Variants in AMPH observed in about 807,000 individuals in gnomAD.
AMPH encodes amphiphysin.
Under a neutral mutation model 99.1 loss-of-function variants are expected in AMPH, and 49 were observed. The observed-to-expected ratio is 0.49, with a 90% CI of 0.39 to 0.63. The LOEUF is 0.63. Ranked by LOEUF, AMPH falls within the 20% of genes least tolerant of loss-of-function variation. The pLI is 0.00. For missense variants in AMPH, 759 were observed against 863.4 expected (o/e 0.88, Z 1.52); for synonymous variants, 314 against 317.3 (o/e 0.99, Z 0.11).
chr7:38,434,193 C>T (rs1025696316), intron 12 of AMPH, among the ~76,000 whole-genome samples: 3 of 152,068 alleles, frequency 2.0e-5, no homozygotes, highest in Non-Finnish European at 4.4e-5. Context: ...CACAGCTTGC[C>T]GTCACTGCGG....
chr7:38,476,309 T>C (rs1477282763), intron 6 of AMPH, among the ~76,000 whole-genome samples: 1 of 152,156 alleles, frequency 6.6e-6, no homozygotes, highest in Non-Finnish European at 1.5e-5. Context: ...CATATCTCGA[T>C]GTAGAAAGAC....
intron 1 of AMPH, among the ~76,000 whole-genome samples, chr7:38,585,849 G>A (rs1425448335): frequency 2.0e-5 from 3 of 152,224 alleles, no homozygotes; most frequent in African/African-American, 2.4e-5. Flanking sequence ...GGAACATTAA[G>A]TATAAATGTA....
chr7:38,490,501 C>T (rs1788677952), intron 5 of AMPH, among the ~76,000 whole-genome samples: 1 of 152,096 alleles, frequency 6.6e-6, no homozygotes, highest in East Asian at 1.9e-4. Context: ...ATGTTTCAGA[C>T]ACAATATTTT....
At chr7:38,502,388 G>T (rs4720288) in intron 3 of AMPH, among the ~76,000 whole-genome samples, 74,756 of 151,860 alleles carry the variant, frequency 0.49, 18,547 homozygotes, top group Admixed American at 0.51. Flanking sequence ...ACCCTGTATG[G>T]TAGATGCACC....
intron 10 of AMPH, among the ~76,000 whole-genome samples, chr7:38,462,306 C>T (rs1045421361): frequency 4.6e-5 from 7 of 152,168 alleles, no homozygotes; most frequent in Non-Finnish European, 7.3e-5. Context: ...TTTCTACTTA[C>T]GATGGGTTTA....
chr7:38,609,236 GCACA>G (rs1793541199), intron 1 of AMPH, among the ~76,000 whole-genome samples: 1 of 152,186 alleles, frequency 6.6e-6, no homozygotes, highest in Non-Finnish European at 1.5e-5. Flanking sequence ...TATGCACGCA[GCACA>G]CAGGAGGGCA....
At chr7:38,568,414 A>G (rs2392587) in intron 1 of AMPH, among the ~76,000 whole-genome samples, 123,875 of 152,094 alleles carry the variant, frequency 0.81, 50,767 homozygotes, top group African/African-American at 0.86. Flanking sequence ...GCAGTAAGCC[A>G]AGATTGTGCC....
intron 2 of AMPH, among the ~76,000 whole-genome samples, chr7:38,528,957 A>T (rs144755985): frequency 1.0e-3 from 152 of 152,004 alleles, no homozygotes; most frequent in African/African-American, 3.4e-3. Context: ...CAGATAATCA[A>T]TTTTTTTCCC....
intron 1 of AMPH, among the ~76,000 whole-genome samples, chr7:38,611,573 G>C (rs1211098192): frequency 6.6e-6 from 1 of 152,184 alleles, no homozygotes; most frequent in African/African-American, 2.4e-5. Flanking sequence ...TCTACATACA[G>C]CCTTAATGGC....
intron 9 of AMPH, 118 bp downstream of exon 9, chr7:38,465,349 G>A: frequency 1.2e-6 from 1 of 805,540 alleles, no homozygotes; most frequent in Non-Finnish European, 1.9e-6. Context: ...CAGCTTCTAG[G>A]GTGAAAAGGC....
At chr7:38,420,880 A>G in intron 16 of AMPH, 2 of 447,838 alleles carry the variant, frequency 4.5e-6, no homozygotes, top group Non-Finnish European at 9.0e-6. Flanking sequence ...AGGCTGGGAG[A>G]TGTACAGCTG....
chr7:38,626,032 C>T (rs993861953), intron 1 of AMPH, among the ~76,000 whole-genome samples: 12 of 152,124 alleles, frequency 7.9e-5, no homozygotes, highest in Admixed American at 2.6e-4. Context: ...CTTCACCATA[C>T]ATTAAAAGAT....
intron 6 of AMPH, among the ~76,000 whole-genome samples, chr7:38,476,101 G>T (rs1788072104): frequency 6.6e-6 from 1 of 152,188 alleles, no homozygotes; most frequent in Non-Finnish European, 1.5e-5. Flanking sequence ...ATTGTGAACT[G>T]CTCAGAAACT....
chr7:38,405,577 G>T (rs1247669983), intron 17 of AMPH, among the ~76,000 whole-genome samples: 8 of 151,984 alleles, frequency 5.3e-5, no homozygotes, highest in African/African-American at 1.9e-4. Context: ...CAGACTTTAA[G>T]CCAATAACAT....
intron 1 of AMPH, among the ~76,000 whole-genome samples, chr7:38,576,005 A>G (rs1792227404): frequency 6.6e-6 from 1 of 152,176 alleles, no homozygotes; most frequent in African/African-American, 2.4e-5. Flanking sequence ...ACTCTCTTAA[A>G]AGGAGCCTTC....
chr7:38,573,748 TTC>T (rs993387142), intron 1 of AMPH, among the ~76,000 whole-genome samples: 2 of 152,228 alleles, frequency 1.3e-5, no homozygotes, highest in Non-Finnish European at 2.9e-5. Context: ...ATTTCATGGT[TTC>T]TTTCAATAAA....
chr7:38,495,886 C>A (rs1788914338), intron 3 of AMPH, among the ~76,000 whole-genome samples: 1 of 152,080 alleles, frequency 6.6e-6, no homozygotes, highest in Admixed American at 6.6e-5. Context: ...CTCCCAAGGA[C>A]CCCCTGCACA....
chr7:38,449,105 G>T (rs1786905914), intron 11 of AMPH, among the ~76,000 whole-genome samples: 1 of 152,066 alleles, frequency 6.6e-6, no homozygotes, highest in Non-Finnish European at 1.5e-5. Flanking sequence ...TTGAGTAAAG[G>T]CCCTCCTACC....
chr7:38,487,215 T>C (rs531808587), intron 5 of AMPH, among the ~76,000 whole-genome samples: 1 of 152,162 alleles, frequency 6.6e-6, no homozygotes, highest in African/African-American at 2.4e-5. Context: ...AGTTGCAGGA[T>C]ACAAAATCAA....
Sources: gnomAD v4.1 joint callset for allele counts (sites outside exome capture counted in the v4.1 genomes callset) on GRCh38, gnomAD v4.1.1 for gene constraint, MANE v1.5 for transcripts, NCBI Gene and HGNC (gene_info 2026-07-23, HGNC 2026-07-21) for gene names.